Variants in COL13A1 observed in about 807,000 individuals in gnomAD.
The protein encoded by COL13A1 is collagen type XIII alpha 1 chain, also known as collagen alpha-1(XIII) chain.
A neutral mutation model predicts 130.9 loss-of-function variants in COL13A1; 89 were observed. The ratio of observed to expected loss-of-function variants is 0.68; its 90% CI spans 0.57 to 0.81. The LOEUF (loss-of-function observed/expected upper bound fraction) is 0.81. Among genes scored for constraint, COL13A1 ranks in the 30% least tolerant of loss-of-function variants. COL13A1 has a pLI of 0.00. For synonymous variants in COL13A1, 402 were observed against 341.6 expected (o/e 1.18, Z -1.95); for missense variants, 879 against 934.6 (o/e 0.94, Z 0.78).
intron 2 of COL13A1, among the ~76,000 whole-genome samples, chr10:69,835,157 C>A (rs1007467363): frequency 6.6e-6 from 1 of 152,180 alleles, no homozygotes. Flanking sequence ...CTGCTGGGGG[C>A]AGATGAGCTC....
chr10:69,820,345 TGG>T (rs1462815437), intron 1 of COL13A1, among the ~76,000 whole-genome samples: 5 of 152,220 alleles, frequency 3.3e-5, no homozygotes, highest in African/African-American at 1.2e-4. Context: ...TGCTGCTGAG[TGG>T]GTGACAACTC....
chr10:69,920,439 C>G (rs1321411747), intron 21 of COL13A1, among the ~76,000 whole-genome samples: 2 of 152,210 alleles, frequency 1.3e-5, no homozygotes, highest in East Asian at 3.9e-4. Context: ...ATATGTCCAT[C>G]CCAGACCCAT....
intron 2 of COL13A1, among the ~76,000 whole-genome samples, chr10:69,840,911 G>A (rs1241771662): frequency 6.6e-6 from 1 of 152,032 alleles, no homozygotes; most frequent in African/African-American, 2.4e-5. Context: ...CCGGGCGCCA[G>A]AGCTGGAAGG....
chr10:69,822,908 G>A (rs796961093), intron 2 of COL13A1, among the ~76,000 whole-genome samples: 23 of 152,364 alleles, frequency 1.5e-4, no homozygotes, highest in African/African-American at 5.3e-4. Flanking sequence ...TTAGGGCAAT[G>A]TGTGTTCACT....
At chr10:69,941,118 G>A in intron 35 of COL13A1, 95 bp downstream of exon 35, 5 of 1,592,210 alleles carry the variant, frequency 3.1e-6, no homozygotes, top group Non-Finnish European at 4.3e-6. Context: ...CATTTTCCCA[G>A]TGAATCATGC....
chr10:69,818,435 GC>G (rs1845168576), intron 1 of COL13A1, among the ~76,000 whole-genome samples: 1 of 152,176 alleles, frequency 6.6e-6, no homozygotes, highest in Non-Finnish European at 1.5e-5. Flanking sequence ...CCTTACCTGG[GC>G]ACACAAGGCC....
chr10:69,895,261 G>A (rs1024726555), intron 12 of COL13A1, among the ~76,000 whole-genome samples: 9 of 152,186 alleles, frequency 5.9e-5, no homozygotes, highest in Non-Finnish European at 1.3e-4. Flanking sequence ...CCAGGCATGG[G>A]GCATAACTCC....
At chr10:69,870,990 T>C (rs948615565) in intron 3 of COL13A1, among the ~76,000 whole-genome samples, 1 of 152,134 alleles carries the variant, frequency 6.6e-6, no homozygotes, top group African/African-American at 2.4e-5. Flanking sequence ...ATGTGGATGA[T>C]GTCGGTTGTA....
At chr10:69,956,972 T>C (rs775017686) in intron 39 of COL13A1, 32 bp from the exon 40 acceptor site, 1 of 1,603,212 alleles carries the variant, frequency 6.2e-7, no homozygotes, top group South Asian at 1.1e-5. Context: ...TTGCAGGAAG[T>C]CTGAGCCCTC....
chr10:69,919,872 C>A (rs2064403965), intron 21 of COL13A1, 145 bp downstream of exon 21: 2 of 396,940 alleles, frequency 5.0e-6, no homozygotes, highest in Non-Finnish European at 8.9e-6. Context: ...GCAGGACGGC[C>A]TGGCCAAGCT....
chr10:69,924,946 A>G lies in COL13A1; in HGVS notation c.1285-17A>G. On this transcript the variant is annotated splice_polypyrimidine_tract_variant and intron_variant, in intron 24 of 40. Transcript: ENST00000645393. ...CCAACTTTATCCCCACTTTGCTCCA[A>G]TTTTGTCATGCAACAGGGGGAGCGT... 6.3e-7 allele frequency: 1 copy of G among 1,578,894 alleles called. No homozygotes were observed. Among genetic ancestry groups the G allele is most frequent in the Non-Finnish European group, 8.6e-7 (1 of 1,163,996 alleles).
intron 27 of COL13A1, among the ~76,000 whole-genome samples, chr10:69,928,636 G>T (rs2065689830): frequency 6.6e-6 from 1 of 152,170 alleles, no homozygotes; most frequent in Admixed American, 6.5e-5. Context: ...TATTGGGGAA[G>T]GTCAGACTTA....
intron 2 of COL13A1, among the ~76,000 whole-genome samples, chr10:69,851,602 T>C (rs1368844891): frequency 1.3e-5 from 2 of 152,232 alleles, no homozygotes; most frequent in Non-Finnish European, 2.9e-5. Context: ...GCTGAGGAAC[T>C]GAACTGAATT....
intron 1 of COL13A1, among the ~76,000 whole-genome samples, chr10:69,807,405 T>C (rs1203748538): frequency 6.6e-6 from 1 of 152,222 alleles, no homozygotes; most frequent in East Asian, 1.9e-4. Flanking sequence ...CCAGGCAGAC[T>C]CCTTCATCCC....
intron 17 of COL13A1, 57 bp downstream of exon 17, chr10:69,905,879 A>G: frequency 6.3e-7 from 1 of 1,586,648 alleles, no homozygotes. Flanking sequence ...TCAGTGGCCT[A>G]CTGGACCTCA....
intron 38 of COL13A1, among the ~76,000 whole-genome samples, chr10:69,949,958 G>GTGTGTGCATGTGTT (rs2069187410): frequency 6.8e-6 from 1 of 147,862 alleles, no homozygotes; most frequent in Non-Finnish European, 1.5e-5. Flanking sequence ...GCGTGTGTTT[G>GTGTGTGCATGTGTT]TGTGTGCGTG....
chr10:69,815,627 A>T (rs1194849797), intron 1 of COL13A1, among the ~76,000 whole-genome samples: 1 of 152,154 alleles, frequency 6.6e-6, no homozygotes, highest in Non-Finnish European at 1.5e-5. Context: ...GATGGCACAC[A>T]TCCATCTGAA....
intron 8 of COL13A1, among the ~76,000 whole-genome samples, 199 bp from the exon 9 acceptor site, chr10:69,888,105 T>C (rs560334377): frequency 3.7e-4 from 56 of 152,338 alleles, no homozygotes; most frequent in African/African-American, 1.1e-3. Flanking sequence ...CAACATTCTA[T>C]TATTCTCAAC....
intron 22 of COL13A1, 42 bp from the exon 23 acceptor site, chr10:69,922,666 T>C: frequency 6.6e-7 from 1 of 1,519,572 alleles, no homozygotes; most frequent in Non-Finnish European, 9.0e-7. Context: ...AGCCTAGACC[T>C]TCCTCCACAC....
Sources: allele counts gnomAD v4.1 joint callset (sites outside exome capture counted in the v4.1 genomes callset), GRCh38; gene constraint gnomAD v4.1.1; transcripts MANE v1.5; gene names NCBI Gene and HGNC (gene_info 2026-07-23, HGNC 2026-07-21).